ADGRL3: variants seen among roughly 807,000 people sequenced by gnomAD.
The protein encoded by ADGRL3 is calcium-independent alpha-latrotoxin receptor 3.
In ADGRL3, 62 loss-of-function variants were observed where a neutral mutation model predicts 153.5. That is an observed-to-expected ratio of 0.40 (90% confidence interval 0.33 to 0.50). The LOEUF (loss-of-function observed/expected upper bound fraction) is 0.50. ADGRL3 is among the 20% of genes least tolerant of loss of function. The pLI is 0.47. For missense variants in ADGRL3, 1,641 were observed against 1,859.4 expected, an observed-to-expected ratio of 0.88 and a Z score of 2.16; for synonymous variants, 710 against 672.5, an observed-to-expected ratio of 1.06 and a Z score of -0.86.
intron 5 of ADGRL3, among the ~76,000 whole-genome samples, chr4:61,658,634 C>A (rs2094506794): frequency 6.6e-6 from 1 of 152,076 alleles, no homozygotes; most frequent in Admixed American, 6.6e-5. Context: ...ACCTTTCAAC[C>A]TTTTCTCTTC....
At chr4:61,369,675 A>G (rs1263312748) in intron 1 of ADGRL3, among the ~76,000 whole-genome samples, 2 of 152,172 alleles carry the variant, frequency 1.3e-5, no homozygotes, top group Non-Finnish European at 2.9e-5. Context: ...CATCAAGGAT[A>G]TTGGTCTAAA....
At chr4:61,654,410 A>G (rs1429823601) in intron 5 of ADGRL3, among the ~76,000 whole-genome samples, 6 of 151,998 alleles carry the variant, frequency 3.9e-5, no homozygotes, top group Non-Finnish European at 5.9e-5. Context: ...CTATGGGGTA[A>G]TTTTAAGCAT....
intron 2 of ADGRL3, among the ~76,000 whole-genome samples, chr4:61,405,422 C>T (rs1024397043): frequency 6.6e-6 from 1 of 151,890 alleles, no homozygotes; most frequent in African/African-American, 2.4e-5. Flanking sequence ...ACCTAGTTTA[C>T]ATGCATATCT....
chr4:61,841,165 T>G (rs998874870), intron 9 of ADGRL3, among the ~76,000 whole-genome samples: 3 of 152,164 alleles, frequency 2.0e-5, no homozygotes, highest in Admixed American at 2.0e-4. Flanking sequence ...CCCTCTCCTC[T>G]CTTTCATATT....
intron 9 of ADGRL3, among the ~76,000 whole-genome samples, chr4:61,849,483 TA>T (rs2098175755): frequency 7.0e-6 from 1 of 143,500 alleles, no homozygotes; most frequent in Non-Finnish European, 1.5e-5. Context: ...AATATTTTTA[TA>T]TTTTTTTTTT....
chr4:61,617,036 A>G (rs1021656733), intron 5 of ADGRL3, among the ~76,000 whole-genome samples: 6 of 152,132 alleles, frequency 3.9e-5, no homozygotes, highest in African/African-American at 1.4e-4. Flanking sequence ...ATAATTTTTT[A>G]TATTTGTGGT....
At chr4:61,994,175 C>G (rs1026256717) in intron 19 of ADGRL3, among the ~76,000 whole-genome samples, 1 of 152,090 alleles carries the variant, frequency 6.6e-6, no homozygotes, top group African/African-American at 2.4e-5. Flanking sequence ...TGAGACAAAG[C>G]CTCACTCTGT....
At chr4:61,492,116 C>T (rs1005004000) in intron 2 of ADGRL3, among the ~76,000 whole-genome samples, 2 of 152,138 alleles carry the variant, frequency 1.3e-5, no homozygotes, top group African/African-American at 4.8e-5. Context: ...TACCAATTCA[C>T]CATTACAATA....
At position 61,864,433 on chromosome 4, in the gene ADGRL3, CAT is replaced by C. The variant is rs576122436; in HGVS notation, c.1481-28221_1481-28220del. Among the ~76,000 whole-genome samples, 436 of 152,222 alleles carry C rather than the reference CAT, an allele frequency of 2.9e-3. 1 individual carries two copies. The highest frequency in any genetic ancestry group is 5.0e-3 in the Non-Finnish European group (337 of 68,006). Reference sequence around the variant, plus strand: ...CCTCAGTAAATATCTGAATGTCAAACATAAAACCTTGGCTCTTCCCTGTCTTG... The same window carrying C: ...CCTCAGTAAATATCTGAATGTCAAACAAAACCTTGGCTCTTCCCTGTCTTG... On this transcript the variant is annotated intron_variant, in intron 9 of 26. Transcript: ENST00000683033.
intron 2 of ADGRL3, among the ~76,000 whole-genome samples, chr4:61,422,588 A>T (rs957063940): frequency 1.3e-5 from 2 of 152,142 alleles, no homozygotes; most frequent in Admixed American, 6.5e-5. Flanking sequence ...TTGGTCCAAC[A>T]TATCTTCCTA....
intron 13 of ADGRL3, among the ~76,000 whole-genome samples, chr4:61,916,053 T>C (rs765880688): frequency 1.3e-5 from 2 of 152,206 alleles, no homozygotes; most frequent in Non-Finnish European, 2.9e-5. Context: ...CTTTTGTATG[T>C]TCTGACTTTT....
intron 1 of ADGRL3, among the ~76,000 whole-genome samples, chr4:61,277,740 C>T (rs2093535804): frequency 6.6e-6 from 1 of 152,030 alleles, no homozygotes; most frequent in Admixed American, 6.6e-5. Flanking sequence ...TGATATCTAT[C>T]CAATGTGCCA....
chr4:61,657,914 C>G (rs1280081959), intron 5 of ADGRL3, among the ~76,000 whole-genome samples: 1 of 152,124 alleles, frequency 6.6e-6, no homozygotes, highest in Non-Finnish European at 1.5e-5. Flanking sequence ...CTATCTGCCC[C>G]CATGGCACAT....
Position 61,383,113 on chromosome 4 carries a change from T to C in ADGRL3, c.-239-11T>C, listed in dbSNP as rs2151916799. On this transcript the variant is annotated splice_polypyrimidine_tract_variant and intron_variant, in intron 1 of 26. Transcript: ENST00000683033. ...CATAATCAAATTAAATATTTTTTTCTTTTTTTTCAGAAATGTTTAATTTGG... is the reference window on the plus strand; with the variant it reads ...CATAATCAAATTAAATATTTTTTTCCTTTTTTTCAGAAATGTTTAATTTGG... 1 of 151,530 alleles carries C rather than the reference T, an allele frequency of 6.6e-6. No homozygotes were observed. The highest frequency in any genetic ancestry group is 1.9e-4 in the East Asian group (1 of 5,156). The allele number at this position is 151,530 out of a possible 1,614,324, so 9.4% of individuals were successfully genotyped here.
intron 9 of ADGRL3, among the ~76,000 whole-genome samples, chr4:61,816,832 T>C (rs1284321470): frequency 6.6e-6 from 1 of 152,124 alleles, no homozygotes; most frequent in East Asian, 1.9e-4. Context: ...GACAGCTTCC[T>C]AGTAGCAGCT....
chr4:61,924,701 A>T (rs991536663), intron 13 of ADGRL3, among the ~76,000 whole-genome samples: 2 of 152,152 alleles, frequency 1.3e-5, no homozygotes, highest in African/African-American at 4.8e-5. Context: ...GAAGACTTTT[A>T]TTCTGGCTGT....
chr4:61,526,828 C>G (rs999729355), intron 4 of ADGRL3, among the ~76,000 whole-genome samples: 3 of 151,416 alleles, frequency 2.0e-5, no homozygotes, highest in African/African-American at 7.3e-5. Context: ...GTTGTAATAC[C>G]TTATGAGATA....
chr4:61,446,043 A>G (rs2097577924), intron 2 of ADGRL3, among the ~76,000 whole-genome samples: 1 of 152,182 alleles, frequency 6.6e-6, no homozygotes, highest in Non-Finnish European at 1.5e-5. Flanking sequence ...CTAGATGTTT[A>G]GTAGGCCATA....
At chr4:61,422,264 A>G (rs1422673305) in intron 2 of ADGRL3, among the ~76,000 whole-genome samples, 1 of 152,218 alleles carries the variant, frequency 6.6e-6, no homozygotes, top group Non-Finnish European at 1.5e-5. Flanking sequence ...TTTTCAATGT[A>G]TCAACTTCAA....
Sources: allele counts gnomAD v4.1 joint callset (sites outside exome capture counted in the v4.1 genomes callset), GRCh38; gene constraint gnomAD v4.1.1; transcripts MANE v1.5; gene names NCBI Gene and HGNC (gene_info 2026-07-23, HGNC 2026-07-21).